The following PIEZO2 variants were observed in gnomAD, a reference collection of about 807,000 sequenced individuals.
PIEZO2 encodes the protein piezo type mechanosensitive ion channel component 2.
A neutral mutation model predicts 337.3 loss-of-function variants in PIEZO2; 172 were observed. The ratio of observed to expected loss-of-function variants is 0.51; its 90% CI spans 0.45 to 0.58. PIEZO2 has a LOEUF of 0.58. Ranked by LOEUF, PIEZO2 falls within the 20% of genes least tolerant of loss-of-function variation. The probability of loss-of-function intolerance (pLI) is 0.00; values close to 1 mark genes in which losing one functional copy is unlikely to be tolerated. For missense variants in PIEZO2, 3,028 were observed against 3,391.3 expected (o/e 0.89, Z 2.66); for synonymous variants, 1,251 against 1,228.5 (o/e 1.02, Z -0.38).
Position 10,871,372 on chromosome 18 carries a change from G to A in PIEZO2, c.373C>T (p.Pro125Ser). ...DAGNGIRVFV[P>S]DIGMFIASLT... Reference sequence around the variant, plus strand: ...CTAGCAATGAACATCCCGATGTCAGGTACAAACACTCTGATCCCATTGCCA... The same window carrying A: ...CTAGCAATGAACATCCCGATGTCAGATACAAACACTCTGATCCCATTGCCA... Residue 125 changes from proline to serine, a missense_variant, in exon 5 of 56, where the codon CCT (proline) becomes TCT (serine). Physicochemically the swap from Pro to Ser is moderately conservative, Grantham distance 74. Transcript: ENST00000674853. 5 of 1,537,338 alleles carry A rather than the reference G, an allele frequency of 3.3e-6. No individual in the cohort carries two copies. In the South Asian group the frequency reaches 3.6e-5, roughly 11 times the overall value.
rs901864031 is a variant in PIEZO2, at chr18:10,988,226, A to G, written c.161-8566T>C. On this transcript the variant is annotated intron_variant, in intron 2 of 55. Coordinates refer to ENST00000674853, the MANE Select transcript of PIEZO2 (RefSeq NM_001378183.1). This position sits in a 1 kb window ranked among gnomAD's most constrained non-coding sequence, Gnocchi z 4.8. ...TCCCCTCTGGAGGATGAAGCAACAC[A>G]GTGCCATTTTGGAAGCAGAAAGACC... is the stretch of plus-strand genomic sequence containing the variant. 1.3e-5 allele frequency among the ~76,000 whole-genome samples: 2 copies of G among 152,180 alleles called. No homozygotes were observed. The highest frequency in any genetic ancestry group is 4.8e-5 in the African/African-American group (2 of 41,456).
chr18:10,728,954 C>CAAAAA (rs143511795), intron 36 of PIEZO2, among the ~76,000 whole-genome samples: 21 of 75,600 alleles, frequency 2.8e-4, no homozygotes, highest in Non-Finnish European at 3.8e-4. Flanking sequence ...GACTCTGTCT[C>CAAAAA]AAAAAAAAAA....
chr18:10,771,393 A>G (rs1437918498), intron 20 of PIEZO2, among the ~76,000 whole-genome samples: 1 of 152,254 alleles, frequency 6.6e-6, no homozygotes, highest in Non-Finnish European at 1.5e-5. Context: ...CTAAAACAGG[A>G]GTCATGCTTC....
intron 3 of PIEZO2, among the ~76,000 whole-genome samples, chr18:10,920,146 C>T (rs2031291636): frequency 1.3e-5 from 2 of 152,168 alleles, no homozygotes; most frequent in Admixed American, 1.3e-4. Context: ...TAGAAGCCTC[C>T]TTCTGAGAAA....
chr18:10,910,539 T>A (rs2030382100), intron 4 of PIEZO2, among the ~76,000 whole-genome samples: 1 of 151,738 alleles, frequency 6.6e-6, no homozygotes, highest in Non-Finnish European at 1.5e-5. Flanking sequence ...GCCGAGATCA[T>A]GCCAGTGCAC....
intron 1 of PIEZO2, among the ~76,000 whole-genome samples, chr18:11,079,319 A>G (rs1438998612): frequency 6.6e-6 from 1 of 152,176 alleles, no homozygotes; most frequent in Non-Finnish European, 1.5e-5. Flanking sequence ...GTGAGTTAAG[A>G]TGGATGGTTT....
At chr18:10,768,682 G>C (rs1410762696) in intron 21 of PIEZO2, among the ~76,000 whole-genome samples, 1 of 152,170 alleles carries the variant, frequency 6.6e-6, no homozygotes, top group Non-Finnish European at 1.5e-5. Context: ...CACAGAGAAG[G>C]GAGTGGTGAT....
Position 11,097,933 on chromosome 18 carries a change from A to G in PIEZO2, c.65-31711T>C, listed in dbSNP as rs1296585235. Reference sequence around the variant, plus strand: ...TATTTTTCACCTCATAGTCTTCCATACTATGATTTTGAAGATTGGAATATA... The same window carrying G: ...TATTTTTCACCTCATAGTCTTCCATGCTATGATTTTGAAGATTGGAATATA... On this transcript the variant is annotated intron_variant, in intron 1 of 55. Transcript: ENST00000674853. This position sits in a 1 kb window ranked among gnomAD's most constrained non-coding sequence, Gnocchi z 5.0. Among the ~76,000 whole-genome samples, 2 of 152,180 alleles carry G rather than the reference A, an allele frequency of 1.3e-5. No individual in the cohort carries two copies. The highest frequency in any genetic ancestry group is 4.8e-5 in the African/African-American group (2 of 41,458).
At position 10,794,148 on chromosome 18, in the gene PIEZO2, T is replaced by C. The variant is rs893134712; in HGVS notation, c.1758+624A>G. Among the ~76,000 whole-genome samples the C allele has an allele frequency of 1.3e-5, 2 of 152,246 alleles. No individual in the cohort carries two copies. The highest frequency in any genetic ancestry group is 4.8e-5 in the African/African-American group (2 of 41,460). On this transcript the variant is annotated intron_variant, in intron 13 of 55. Coordinates refer to ENST00000674853, the MANE Select transcript of PIEZO2 (RefSeq NM_001378183.1). This position sits in a 1 kb window ranked among gnomAD's most constrained non-coding sequence, Gnocchi z 6.6. ...GGAATGTGTGTTTAGTCTGCCATTC[T>C]GTTAACAAAACAAACAGTAAGTTGG...
intron 2 of PIEZO2, among the ~76,000 whole-genome samples, chr18:11,055,071 C>T (rs1010390349): frequency 1.3e-5 from 2 of 152,082 alleles, no homozygotes; most frequent in East Asian, 1.9e-4. Context: ...ATTAGCTGGG[C>T]GCGGTGGCAG....
rs562912241 is a variant in PIEZO2 at position 10,795,770 on chromosome 18, A to G, written c.1528-768T>C. On this transcript the variant is annotated intron_variant, in intron 12 of 55. Transcript: ENST00000674853. This position sits in a 1 kb window ranked among gnomAD's most constrained non-coding sequence, Gnocchi z 4.4. Reference sequence around the variant, plus strand: ...AGGTTCTGTGTCCCTTGAGTTAAAGAATATTTTTATTTTTATCATCAAAGG... The same window carrying G: ...AGGTTCTGTGTCCCTTGAGTTAAAGGATATTTTTATTTTTATCATCAAAGG... Among the ~76,000 whole-genome samples the G allele has an allele frequency of 6.6e-6, 1 of 152,140 alleles. No homozygotes were observed. Among genetic ancestry groups the G allele is most frequent in the African/African-American group, 2.4e-5 (1 of 41,432 alleles).
chr18:11,075,627 T>C (rs2038505192), intron 1 of PIEZO2, among the ~76,000 whole-genome samples: 1 of 152,122 alleles, frequency 6.6e-6, no homozygotes, highest in Non-Finnish European at 1.5e-5. Flanking sequence ...AAATTATTTC[T>C]TCAAGAAGGA....
intron 3 of PIEZO2, among the ~76,000 whole-genome samples, chr18:10,915,689 G>T (rs1379024463): frequency 6.6e-6 from 1 of 152,000 alleles, no homozygotes; most frequent in African/African-American, 2.4e-5. Context: ...CCCCTTTTCA[G>T]GTGAGGAAAC....
chr18:10,978,244 G>T (rs898517569), intron 3 of PIEZO2, among the ~76,000 whole-genome samples: 1 of 152,080 alleles, frequency 6.6e-6, no homozygotes, highest in Non-Finnish European at 1.5e-5. Context: ...GCTGAGGCAG[G>T]AGAATGGTGT....
intron 2 of PIEZO2, among the ~76,000 whole-genome samples, chr18:11,023,007 T>C (rs1174693254): frequency 6.6e-6 from 1 of 152,038 alleles, no homozygotes; most frequent in Non-Finnish European, 1.5e-5. Flanking sequence ...TCTGGAGTTG[T>C]TCATTCCTCC....
intron 2 of PIEZO2, among the ~76,000 whole-genome samples, chr18:10,983,134 T>C (rs2034734224): frequency 6.6e-6 from 1 of 152,148 alleles, no homozygotes; most frequent in African/African-American, 2.4e-5. Context: ...ATTAACTTGA[T>C]AAATGTCAAA....
chr18:10,998,334 G>T (rs2035403214), intron 2 of PIEZO2, among the ~76,000 whole-genome samples: 1 of 141,868 alleles, frequency 7.0e-6, no homozygotes, highest in Non-Finnish European at 1.5e-5. Flanking sequence ...AAAGATATTT[G>T]TTTACACACA....
Position 10,770,199 on chromosome 18 carries a change from C to CA in PIEZO2, c.2894dup (p.Leu965PhefsTer67). 6.5e-7 allele frequency: 1 copy of CA among 1,537,314 alleles called. No individual in the cohort carries two copies. Among genetic ancestry groups the CA allele is most frequent in the Non-Finnish European group, 8.7e-7 (1 of 1,146,914 alleles). ...AAGAGGAAACGATTTTGATGATGTG[C>CA]AACTCCAAAATCCACCACATGAACA... On this transcript the variant is annotated frameshift_variant, in exon 21 of 56. Transcript: ENST00000674853. LOFTEE classifies it high-confidence loss of function.
At chr18:10,916,465 A>G (rs964696652) in intron 3 of PIEZO2, among the ~76,000 whole-genome samples, 1 of 152,270 alleles carries the variant, frequency 6.6e-6, no homozygotes, top group Middle Eastern at 3.4e-3. Flanking sequence ...GAATTTGAGC[A>G]TGGCGCTGGC....
Sources: allele counts gnomAD v4.1 joint callset (sites outside exome capture counted in the v4.1 genomes callset), GRCh38; gene constraint gnomAD v4.1.1; non-coding constraint Gnocchi (gnomAD v3.1); transcripts MANE v1.5; gene names NCBI Gene and HGNC (gene_info 2026-07-23, HGNC 2026-07-21).